PCDHGA4: variants seen among roughly 807,000 people sequenced by gnomAD.
PCDHGA4 encodes the protein protocadherin gamma subfamily A, 4.
A neutral mutation model predicts 54.6 loss-of-function variants in PCDHGA4; 38 were observed. That is an observed-to-expected ratio of 0.70 (90% confidence interval 0.54 to 0.91). The LOEUF (loss-of-function observed/expected upper bound fraction) is 0.91. Among genes scored for constraint, PCDHGA4 ranks in the 40% least tolerant of loss-of-function variants. The probability of loss-of-function intolerance (pLI) is 0.00; values close to 1 mark genes in which losing one functional copy is unlikely to be tolerated. For missense variants in PCDHGA4, 1,298 were observed against 1,220.9 expected (o/e 1.06, Z -0.94); for synonymous variants, 511 against 512.9 (o/e 1.00, Z 0.05).
intron 1 of PCDHGA4, chr5:141,362,170 C>T (rs1394296027): frequency 6.2e-7 from 1 of 1,614,036 alleles, no homozygotes; most frequent in East Asian, 2.2e-5. Flanking sequence ...CAGCGACCGC[C>T]GGGAGCCCTC....
In PCDHGA4 at chr5:141,431,643, A is replaced by G. The variant is rs528599572; in HGVS notation, c.2515-63164A>G. Reference sequence around the variant, plus strand: ...AAGGCGGCCCAAGTTTTCAAACTAGATTGTAATTCAGGGACAATATCAACA... The same window carrying G: ...AAGGCGGCCCAAGTTTTCAAACTAGGTTGTAATTCAGGGACAATATCAACA... On this transcript the variant is annotated intron_variant, in intron 1 of 3. Coordinates refer to ENST00000571252, the MANE Select transcript of PCDHGA4 (RefSeq NM_018917.4). The surrounding 1 kb of genome is among the most constrained non-coding windows in gnomAD (Gnocchi z 4.8). 5.0e-5 allele frequency: 81 copies of G among 1,614,240 alleles called. No individual in the cohort carries two copies. In the South Asian group the frequency reaches 7.4e-4, roughly 15 times the overall value.
chr5:141,415,078 G>C, intron 1 of PCDHGA4: 1 of 1,613,494 alleles, frequency 6.2e-7, no homozygotes, highest in Non-Finnish European at 8.5e-7. Context: ...CACGGCGCGA[G>C]CCCTGCTGGA....
At chr5:141,439,473 G>T (rs1414737627) in intron 1 of PCDHGA4, among the ~76,000 whole-genome samples, 2 of 152,202 alleles carry the variant, frequency 1.3e-5, no homozygotes, top group South Asian at 2.1e-4. Context: ...CTGCCTTTCA[G>T]CTTGCAAATT....
chr5:141,395,022 G>A lies in PCDHGA4; in HGVS notation c.2514+37401G>A, dbSNP rs2093150969. ...CGGTGGCAGATTGGTAGGCGTGCCT[G>A]CCTCACATTTTGTGGGTGTTGAGGA... On this transcript the variant is annotated intron_variant, in intron 1 of 3. Transcript: ENST00000571252. 1 of 1,614,128 alleles carries A rather than the reference G, an allele frequency of 6.2e-7. No homozygotes were observed. The highest frequency in any genetic ancestry group is 1.3e-5 in the African/African-American group (1 of 75,036).
In PCDHGA4 at chr5:141,432,113, T is replaced by G. The variant is rs1174697940; in HGVS notation, c.2515-62694T>G. 1 of 1,614,078 alleles carries G rather than the reference T, an allele frequency of 6.2e-7. No homozygotes were observed. The highest frequency in any genetic ancestry group is 8.5e-7 in the Non-Finnish European group (1 of 1,180,006). On this transcript the variant is annotated intron_variant, in intron 1 of 3. Coordinates refer to ENST00000571252, the MANE Select transcript of PCDHGA4 (RefSeq NM_018917.4). The surrounding 1 kb of genome is among the most constrained non-coding windows in gnomAD (Gnocchi z 6.0). ...AGACACCAACGACAACCCGCCGGTC[T>G]TCCCTCAGGCCTCCTATTCCGCTTA... is the stretch of plus-strand genomic sequence containing the variant.
rs1173627393 is a variant in PCDHGA4 at position 141,487,102 on chromosome 5, G to A, written c.2515-7705G>A. ...CAGCTGACCTCCCACCACAGAAGCT[G>A]GTCATTGTGGTAAAGGATAGTGGTA... On this transcript the variant is annotated intron_variant, in intron 1 of 3. Coordinates refer to ENST00000571252, the MANE Select transcript of PCDHGA4 (RefSeq NM_018917.4). This position sits in a 1 kb window ranked among gnomAD's most constrained non-coding sequence, Gnocchi z 5.0. 1 of 1,613,900 alleles carries A rather than the reference G, an allele frequency of 6.2e-7. No homozygotes were observed.
In PCDHGA4 at chr5:141,355,436, C is replaced by G; in HGVS notation, c.329C>G (p.Pro110Arg). The change falls in exon 1 of 4, where the codon CCG (proline) becomes CGG (arginine). Residue 110 changes from proline (P) to arginine (R), a missense_variant. Physicochemically the swap from Pro to Arg is moderately radical, Grantham distance 103 (BLOSUM62 -2). Transcript: ENST00000571252. ...RGRTQLFALN[P>R]RSGTLVTAGR... is the part of the protein sequence containing the mutation. ...AGGACGCAGCTTTTCGCCCTGAACC[C>G]GCGCAGCGGCACCTTGGTCACCGCG... The G allele has an allele frequency of 1.2e-6, 2 of 1,614,090 alleles. No homozygotes were observed. Among genetic ancestry groups the G allele is most frequent in the Non-Finnish European group, 1.7e-6 (2 of 1,179,924 alleles).
intron 1 of PCDHGA4, among the ~76,000 whole-genome samples, chr5:141,437,093 C>T (rs1382920904): frequency 2.6e-5 from 4 of 152,136 alleles, no homozygotes; most frequent in East Asian, 1.9e-4. Flanking sequence ...TTGAAACTAA[C>T]GGCTTAGCTT....
chr5:141,356,327 C>A lies in PCDHGA4; in HGVS notation c.1220C>A (p.Ser407Ter). 1 of 1,554,310 alleles carries A rather than the reference C, an allele frequency of 6.4e-7. No homozygotes were observed. Among genetic ancestry groups the A allele is most frequent in the Non-Finnish European group, 8.7e-7 (1 of 1,148,342 alleles). Reference protein sequence around the residue: ...IALFNVHDSDSGGNGLVTCSI... With the variant: ...IALFNVHDSD ...CTTTTCAACGTGCATGACAGTGACT[C>A]AGGAGGAAATGGCCTAGTCACATGT... The change falls in exon 1 of 4, where the codon TCA (serine) becomes TAA (stop). Residue 407 changes from serine (S) to a stop codon, truncating the protein, a stop_gained. Coordinates refer to ENST00000571252, the MANE Select transcript of PCDHGA4 (RefSeq NM_018917.4). LOFTEE classifies it high-confidence loss of function.
At chr5:141,409,389 C>T (rs1445649056) in intron 1 of PCDHGA4, 2 of 1,613,888 alleles carry the variant, frequency 1.2e-6, no homozygotes, top group Non-Finnish European at 1.7e-6. Flanking sequence ...AAGATTTATT[C>T]TTCTTCCAAT....
At chr5:141,413,767 C>A in intron 1 of PCDHGA4, 1 of 1,612,972 alleles carries the variant, frequency 6.2e-7, no homozygotes, top group South Asian at 1.1e-5. Flanking sequence ...GTACCCGGAG[C>A]TGGTACTGGA....
intron 1 of PCDHGA4, chr5:141,393,090 G>T: frequency 6.2e-7 from 1 of 1,613,626 alleles, no homozygotes; most frequent in South Asian, 1.1e-5. Flanking sequence ...GATAGATCGG[G>T]AGGAGCTCTG....
Position 141,487,322 on chromosome 5 carries a change from C to T in PCDHGA4, c.2515-7485C>T, listed in dbSNP as rs760334964. 7.4e-6 allele frequency: 12 copies of T among 1,614,134 alleles called. No homozygotes were observed. Among genetic ancestry groups the T allele is most frequent in the South Asian group, 3.3e-5 (3 of 91,082 alleles). ...CGTGGCACTACTCTCTAAGTGTCTT[C>T]GTGGGGCAGCCTGTGGAGTCACATG... On this transcript the variant is annotated intron_variant, in intron 1 of 3. Coordinates refer to ENST00000571252, the MANE Select transcript of PCDHGA4 (RefSeq NM_018917.4). The surrounding 1 kb of genome is among the most constrained non-coding windows in gnomAD (Gnocchi z 5.0).
chr5:141,427,960 G>T (rs759698390), intron 1 of PCDHGA4: 2 of 1,589,168 alleles, frequency 1.3e-6, no homozygotes, highest in Non-Finnish European at 1.7e-6. Context: ...AATGTGCCGC[G>T]GGTGCTGTAC....
intron 1 of PCDHGA4, chr5:141,427,747 C>A (rs2097063869): frequency 1.6e-6 from 2 of 1,277,502 alleles, no homozygotes; most frequent in Non-Finnish European, 2.2e-6. Flanking sequence ...GTCTCCTACT[C>A]CATCGTTACC....
chr5:141,428,794 T>C (rs2097161574), intron 1 of PCDHGA4: 1 of 152,852 alleles, frequency 6.5e-6, no homozygotes, highest in African/African-American at 2.4e-5. Context: ...CCTTTCTGTG[T>C]GGGCCAGTAA....
At chr5:141,389,363 C>A (rs776814041) in intron 1 of PCDHGA4, 5 of 1,613,868 alleles carry the variant, frequency 3.1e-6, no homozygotes, top group Non-Finnish European at 4.2e-6. Context: ...TGGCCAGTGA[C>A]CTGGAGCAGC....
At chr5:141,361,308 G>A (rs1442335405) in intron 1 of PCDHGA4, 3 of 1,613,964 alleles carry the variant, frequency 1.9e-6, no homozygotes, top group East Asian at 2.2e-5. Flanking sequence ...GAAATGCCAA[G>A]TTTATTTTGA....
Position 141,487,650 on chromosome 5 carries a change from G to T in PCDHGA4, c.2515-7157G>T, listed in dbSNP as rs772715932. The T allele has an allele frequency of 6.8e-6, 11 of 1,613,876 alleles. No individual in the cohort carries two copies. Among genetic ancestry groups the T allele is most frequent in the Admixed American group, 1.7e-5 (1 of 59,978 alleles). On this transcript the variant is annotated intron_variant, in intron 1 of 3. Coordinates refer to ENST00000571252, the MANE Select transcript of PCDHGA4 (RefSeq NM_018917.4). This position sits in a 1 kb window ranked among gnomAD's most constrained non-coding sequence, Gnocchi z 5.0. ...TTGCAGGCTCAACAAATGCTTGAGG[G>T]TTATTCTGATCCAGGCATATGGCTA...
Sources: allele counts gnomAD v4.1 joint callset (sites outside exome capture counted in the v4.1 genomes callset), GRCh38; gene constraint gnomAD v4.1.1; non-coding constraint Gnocchi (gnomAD v3.1); transcripts MANE v1.5; gene names NCBI Gene and HGNC (gene_info 2026-07-23, HGNC 2026-07-21).